Variants in CFAP46 observed in about 807,000 individuals in gnomAD.
CFAP46 encodes cilia and flagella associated protein 46.
CFAP46 carries 245 observed loss-of-function variants against 325.7 expected under a neutral mutation model. The observed-to-expected ratio is 0.75, with a 90% CI of 0.68 to 0.84. The LOEUF is 0.84. Ranked by LOEUF, CFAP46 falls within the 40% of genes least tolerant of loss-of-function variation. The pLI is 0.00. For synonymous variants in CFAP46, 1,523 were observed against 1,495.9 expected (o/e 1.02, Z -0.42); for missense variants, 3,346 against 3,543.0 (o/e 0.94, Z 1.41).
chr10:132,860,740 C>T, intron 36 of CFAP46, 42 bp downstream of exon 36: 1 of 1,541,938 alleles, frequency 6.5e-7, no homozygotes, highest in Non-Finnish European at 8.8e-7. Flanking sequence ...AAGCACCTGG[C>T]CCGGCACCCG....
intron 2 of CFAP46, 125 bp from the exon 3 acceptor site, chr10:132,941,847 C>T (rs1401944079): frequency 6.6e-7 from 1 of 1,524,082 alleles, no homozygotes; most frequent in Non-Finnish European, 8.8e-7. Context: ...CAGCCCCATC[C>T]TCCATCCTGG....
chr10:132,865,165 G>T (rs34659636), intron 35 of CFAP46, among the ~76,000 whole-genome samples: 1 of 152,248 alleles, frequency 6.6e-6, no homozygotes, highest in African/African-American at 2.4e-5. Flanking sequence ...AAAATCTGGA[G>T]AGAAGATGTC....
intron 9 of CFAP46, 109 bp downstream of exon 9, chr10:132,929,596 G>A (rs778202088): frequency 9.6e-7 from 1 of 1,037,518 alleles, no homozygotes; most frequent in Non-Finnish European, 1.5e-6. Flanking sequence ...ACGGACCGAA[G>A]CCCTGGGGGC....
intron 34 of CFAP46, among the ~76,000 whole-genome samples, 196 bp downstream of exon 34, chr10:132,867,175 GACAC>G (rs1325841012): frequency 1.4e-5 from 2 of 146,360 alleles, no homozygotes; most frequent in Middle Eastern, 3.5e-3. Context: ...CTCACACACT[GACAC>G]ACACACAGGC....
At position 132,817,516 on chromosome 10, in the gene CFAP46, C is replaced by T. The variant is rs866786433; in HGVS notation, c.7118-2602G>A. ...TGTCCTGGTTTTCTACCTGTTTCTC[C>T]ATGACCAGCTGTTGGATTTGATTGA... On this transcript the variant is annotated intron_variant, in intron 50 of 57. Transcript: ENST00000368586. The surrounding 1 kb of genome is among the most constrained non-coding windows in gnomAD (Gnocchi z 4.4). 2.0e-5 allele frequency among the ~76,000 whole-genome samples: 3 copies of T among 152,182 alleles called. No individual in the cohort carries two copies. Among genetic ancestry groups the T allele is most frequent in the Middle Eastern group, 3.2e-3 (1 of 316 alleles).
chr10:132,857,608 G>C lies in CFAP46; in HGVS notation c.5556C>G (p.Gly1852=), dbSNP rs540556301. The change falls in exon 39 of 58, where the codon GGC becomes GGG. Residue 1852 remains glycine (G), a synonymous_variant. Transcript: ENST00000368586. Reference sequence around the variant, plus strand: ...TGCTTACGTCTTGAAGTGACAATAGGCCCTGGACGCTGTGAAGCCTCCCTT... The same window carrying C: ...TGCTTACGTCTTGAAGTGACAATAGCCCCTGGACGCTGTGAAGCCTCCCTT... ...EEEGRLHSVQ[G]LLSLQDLQNV... 4 of 1,614,004 alleles carry C rather than the reference G, an allele frequency of 2.5e-6. No homozygotes were observed. Among genetic ancestry groups the C allele is most frequent in the Admixed American group, 1.7e-5 (1 of 60,002 alleles).
intron 50 of CFAP46, among the ~76,000 whole-genome samples, chr10:132,816,932 T>TTAAA (rs1847707149): frequency 1.3e-5 from 2 of 152,194 alleles, no homozygotes; most frequent in South Asian, 4.1e-4. Context: ...ACAGTGGGAT[T>TTAAA]TGCTTCTCAA....
At position 132,886,331 on chromosome 10, in the gene CFAP46, C is replaced by T. The variant is rs570189931; in HGVS notation, c.3305-372G>A. ...AGGAGTTGCATGGAAAGCTCCCCCG[C>T]GGCCGAGGACACAGCGCCACGTGCA... is the stretch of plus-strand genomic sequence containing the variant. On this transcript the variant is annotated intron_variant, in intron 25 of 57. Coordinates refer to ENST00000368586, the MANE Select transcript of CFAP46 (RefSeq NM_001200049.3). This position sits in a 1 kb window ranked among gnomAD's most constrained non-coding sequence, Gnocchi z 5.8. Among the ~76,000 whole-genome samples the T allele has an allele frequency of 4.6e-5, 7 of 152,308 alleles. No individual in the cohort carries two copies. In the South Asian group the frequency reaches 6.2e-4, roughly 14 times the overall value.
chr10:132,921,418 C>A (rs1001371937), intron 13 of CFAP46, among the ~76,000 whole-genome samples: 3 of 152,232 alleles, frequency 2.0e-5, no homozygotes, highest in Admixed American at 6.5e-5. Context: ...CGAACCCTGG[C>A]TCAGTCCCCG....
intron 35 of CFAP46, among the ~76,000 whole-genome samples, chr10:132,865,551 C>T (rs980694750): frequency 5.3e-5 from 8 of 152,146 alleles, no homozygotes; most frequent in South Asian, 2.1e-4. Context: ...CGCTGGGGAC[C>T]GTAAGGGTCC....
At chr10:132,924,421 G>C (rs1444137806) in intron 11 of CFAP46, among the ~76,000 whole-genome samples, 1 of 152,196 alleles carries the variant, frequency 6.6e-6, no homozygotes, top group Non-Finnish European at 1.5e-5. Flanking sequence ...CGGCCTCTGT[G>C]GCCATGACAG....
intron 25 of CFAP46, among the ~76,000 whole-genome samples, chr10:132,891,405 G>A (rs1369407605): frequency 6.6e-6 from 1 of 152,222 alleles, no homozygotes; most frequent in African/African-American, 2.4e-5. Flanking sequence ...GCATCCACAT[G>A]AAAACAGAGC....
chr10:132,846,346 C>A, intron 43 of CFAP46, 119 bp from the exon 44 acceptor site: 1 of 1,257,024 alleles, frequency 8.0e-7, no homozygotes, highest in African/African-American at 1.5e-5. Flanking sequence ...GCTCTCCTGG[C>A]AAGGCTCCCC....
At chr10:132,873,615 C>G (rs1239929326) in intron 31 of CFAP46, among the ~76,000 whole-genome samples, 1 of 152,128 alleles carries the variant, frequency 6.6e-6, no homozygotes, top group Non-Finnish European at 1.5e-5. Context: ...CTCTCTCACT[C>G]TCTCTCTCAG....
rs2135595900 is a variant in CFAP46 at position 132,920,179 on chromosome 10, G to C, written c.1610C>G (p.Ser537Cys). 2 of 1,535,186 alleles carry C rather than the reference G, an allele frequency of 1.3e-6. No individual in the cohort carries two copies. The highest frequency in any genetic ancestry group is 5.0e-5 in the East Asian group (2 of 40,172). Residue 537 changes from serine (S) to cysteine (C), a missense_variant, in exon 14 of 58, where the codon TCC becomes TGC. Coordinates refer to ENST00000368586, the MANE Select transcript of CFAP46 (RefSeq NM_001200049.3). ...GAACCGGCCCCTGTTCTTCCCGGTGGAGACTGAGGGCGGAAATGCAAAGGC... is the reference window on the plus strand; with the variant it reads ...GAACCGGCCCCTGTTCTTCCCGGTGCAGACTGAGGGCGGAAATGCAAAGGC... ...VLDSENEAKV[S>C]TGKNRGRFTY... is the part of the protein sequence containing the mutation.
In CFAP46 at chr10:132,885,146, G is replaced by C; in HGVS notation, c.3584C>G (p.Ser1195Cys). 3 of 1,550,244 alleles carry C rather than the reference G, an allele frequency of 1.9e-6. No individual in the cohort carries two copies. The highest frequency in any genetic ancestry group is 2.6e-6 in the Non-Finnish European group (3 of 1,146,872). The change falls in exon 27 of 58, where the codon TCT (serine) becomes TGT (cysteine). Residue 1195 changes from serine to cysteine, a missense_variant. Ser to Cys is a moderately radical substitution (Grantham distance 112). Coordinates refer to ENST00000368586, the MANE Select transcript of CFAP46 (RefSeq NM_001200049.3). Reference sequence around the variant, plus strand: ...GTTGTTGTAGCAGGCCAGCTCTCCAGACACGCTCGGCGAGTTCAGGGCCAG... The same window carrying C: ...GTTGTTGTAGCAGGCCAGCTCTCCACACACGCTCGGCGAGTTCAGGGCCAG... ...HRLALNSPSV[S>C]GELACYNNAI...
At chr10:132,908,348 T>C in intron 22 of CFAP46, 120 bp downstream of exon 22, 2 of 1,265,844 alleles carry the variant, frequency 1.6e-6, no homozygotes, top group Non-Finnish European at 2.2e-6. Flanking sequence ...AGGCCCGCGC[T>C]CCCTGCCCGT....
intron 44 of CFAP46, among the ~76,000 whole-genome samples, chr10:132,840,282 A>G (rs1231131105): frequency 4.6e-5 from 7 of 152,200 alleles, no homozygotes; most frequent in African/African-American, 1.7e-4. Flanking sequence ...TGAACTTTCA[A>G]TGCCTGCATC....
intron 55 of CFAP46, among the ~76,000 whole-genome samples, chr10:132,811,845 G>T (rs917850615): frequency 6.6e-6 from 1 of 152,234 alleles, no homozygotes; most frequent in Non-Finnish European, 1.5e-5. Flanking sequence ...CCACCCAAGT[G>T]CAGGCCCTGG....
Sources: gnomAD v4.1 joint callset for allele counts (sites outside exome capture counted in the v4.1 genomes callset) on GRCh38, gnomAD v4.1.1 for gene constraint, Gnocchi (gnomAD v3.1) non-coding constraint, MANE v1.5 for transcripts, NCBI Gene and HGNC (gene_info 2026-07-23, HGNC 2026-07-21) for gene names.